The following LRRC7 variants were observed in gnomAD, a reference collection of about 807,000 sequenced individuals.
The protein encoded by LRRC7 is leucine rich repeat containing 7.
LRRC7 carries 23 observed loss-of-function variants against 175.7 expected under a neutral mutation model. That is an observed-to-expected ratio of 0.13 (90% confidence interval 0.09 to 0.19). LRRC7 has a LOEUF of 0.19. Ranked by LOEUF, LRRC7 falls within the 10% of genes least tolerant of loss-of-function variation. The pLI is 1.00. For synonymous variants in LRRC7, 685 were observed against 680.9 expected (o/e 1.01, Z -0.09); for missense variants, 1,354 against 1,904.7 (o/e 0.71, Z 5.38).
At chr1:69,959,171 A>AT (rs1650796897) in intron 8 of LRRC7, among the ~76,000 whole-genome samples, 1 of 152,084 alleles carries the variant, frequency 6.6e-6, no homozygotes, top group Non-Finnish European at 1.5e-5. Flanking sequence ...CCAAACTGTG[A>AT]TTTTCTCCAA....
At chr1:70,052,694 G>C (rs933355689) in intron 22 of LRRC7, among the ~76,000 whole-genome samples, 4 of 151,968 alleles carry the variant, frequency 2.6e-5, no homozygotes, top group Admixed American at 6.6e-5. Context: ...AATTAAGCAA[G>C]TTTTAAGTGC....
chr1:69,925,778 G>C (rs1270670752), intron 7 of LRRC7, among the ~76,000 whole-genome samples: 3 of 150,292 alleles, frequency 2.0e-5, no homozygotes, highest in African/African-American at 7.4e-5. Context: ...TTTTTGAAGG[G>C]TTTTTTTGTG....
At position 70,133,320 on chromosome 1, in the gene LRRC7, A is replaced by ACCTCC. The variant is rs1666750049; in HGVS notation, c.*11433_*11434insCCTCC. On this transcript the variant is annotated 3_prime_UTR_variant, in exon 27 of 27. Coordinates refer to ENST00000651989, the MANE Select transcript of LRRC7 (RefSeq NM_001370785.2). ...ACTGCAACCTCCACCTCCTGGGTTC[A>ACCTCC]AACGATTTTCCTGCCTCAGCCTCCC... 6.6e-6 allele frequency among the ~76,000 whole-genome samples: 1 copy of ACCTCC among 152,040 alleles called. No homozygotes were observed. The highest frequency in any genetic ancestry group is 1.5e-5 in the Non-Finnish European group (1 of 68,006).
chr1:69,948,541 A>G (rs1344598834), intron 8 of LRRC7, among the ~76,000 whole-genome samples: 10 of 152,130 alleles, frequency 6.6e-5, no homozygotes, highest in Admixed American at 2.0e-4. Context: ...TGAGTGAGCA[A>G]GCAGATTTAC....
chr1:69,762,861 T>A (rs544419913), intron 3 of LRRC7, among the ~76,000 whole-genome samples: 1 of 152,150 alleles, frequency 6.6e-6, no homozygotes, highest in African/African-American at 2.4e-5. Context: ...GAGAATTTAT[T>A]ATCCTTTATC....
intron 1 of LRRC7, among the ~76,000 whole-genome samples, chr1:69,585,995 C>T (rs1307543923): frequency 1.3e-5 from 2 of 152,072 alleles, no homozygotes; most frequent in Non-Finnish European, 2.9e-5. Context: ...AATGAAGAGA[C>T]TATAAATTTC....
intron 3 of LRRC7, among the ~76,000 whole-genome samples, chr1:69,763,620 C>T (rs1401139057): frequency 6.6e-6 from 1 of 151,868 alleles, no homozygotes; most frequent in African/African-American, 2.4e-5. Context: ...ATGGCTGTTG[C>T]AGAGATAACC....
At chr1:70,106,443 T>C (rs1665149759) in intron 25 of LRRC7, among the ~76,000 whole-genome samples, 2 of 152,192 alleles carry the variant, frequency 1.3e-5, no homozygotes, top group African/African-American at 2.4e-5. Context: ...TTCATAACGT[T>C]TTCTTCTATG....
At chr1:69,710,082 C>G (rs1260614472) in intron 2 of LRRC7, among the ~76,000 whole-genome samples, 2 of 151,544 alleles carry the variant, frequency 1.3e-5, no homozygotes, top group African/African-American at 2.4e-5. Context: ...TCAAGCCCAC[C>G]CTGGCTAACA....
chr1:69,696,181 C>T (rs1021045909), intron 2 of LRRC7, among the ~76,000 whole-genome samples: 2 of 152,190 alleles, frequency 1.3e-5, no homozygotes, highest in African/African-American at 2.4e-5. Flanking sequence ...TAGAGTTGCC[C>T]AACGAGTTGC....
chr1:69,577,888 TTAAAG>T (rs1464765899), intron 1 of LRRC7, among the ~76,000 whole-genome samples: 1 of 152,140 alleles, frequency 6.6e-6, no homozygotes, highest in African/African-American at 2.4e-5. Context: ...CATATGAACT[TTAAAG>T]TAGTTTTTTC....
intron 2 of LRRC7, among the ~76,000 whole-genome samples, chr1:69,739,757 G>A (rs949034634): frequency 1.1e-4 from 17 of 152,146 alleles, no homozygotes; most frequent in African/African-American, 3.9e-4. Flanking sequence ...CTGAAGATAC[G>A]AAGTCGTATT....
chr1:69,718,168 G>GAA (rs1665929689), intron 2 of LRRC7, among the ~76,000 whole-genome samples: 1 of 150,058 alleles, frequency 6.7e-6, no homozygotes, highest in Admixed American at 6.7e-5. Context: ...AAGAAAGAAA[G>GAA]AAAGAAGAAA....
chr1:69,590,925 A>T (rs1646604862), intron 1 of LRRC7, among the ~76,000 whole-genome samples: 1 of 152,160 alleles, frequency 6.6e-6, no homozygotes, highest in South Asian at 2.1e-4. Context: ...AAAGTTTAAA[A>T]AATATAAAAC....
intron 1 of LRRC7, among the ~76,000 whole-genome samples, chr1:69,585,868 A>C (rs1268946281): frequency 6.6e-6 from 1 of 152,216 alleles, no homozygotes; most frequent in East Asian, 1.9e-4. Flanking sequence ...TAAGACTTTT[A>C]ATTAGCAAAC....
Position 70,039,383 on chromosome 1 carries a change from A to G in LRRC7, c.3559A>G (p.Arg1187Gly), listed in dbSNP as rs781350493. Residue 1187 changes from arginine (R) to glycine (G), a missense_variant, in exon 21 of 27, where the codon AGG becomes GGG. Physicochemically the swap from Arg to Gly is moderately radical, Grantham distance 125. Around this residue, in one of 4 missense-constraint regions of LRRC7, gnomAD observed 1,032 missense variants for 1,227.2 expected, o/e 0.84. Coordinates refer to ENST00000651989, the MANE Select transcript of LRRC7 (RefSeq NM_001370785.2). ...TGATAGGTACGGCAGACCCCCATAT[A>G]GGGGAGGGCTGGATCGCCAAAGCAG... The part of the protein sequence containing the change: ...PTDRYGRPPY[R>G]GGLDRQSSVT... 1 of 1,614,080 alleles carries G rather than the reference A, an allele frequency of 6.2e-7. No homozygotes were observed.
intron 4 of LRRC7, among the ~76,000 whole-genome samples, chr1:69,804,436 T>G (rs1676882479): frequency 6.6e-6 from 1 of 151,398 alleles, no homozygotes; most frequent in African/African-American, 2.4e-5. Flanking sequence ...TAAAAACACC[T>G]AATGAGCTGG....
chr1:69,944,320 C>T (rs1570753498), intron 8 of LRRC7, among the ~76,000 whole-genome samples: 1 of 152,042 alleles, frequency 6.6e-6, no homozygotes, highest in Admixed American at 6.6e-5. Context: ...TTTCTTGAGG[C>T]CAAATCATAT....
rs946736618 is a variant in LRRC7, at chr1:70,141,140, T to C, written c.*19253T>C. Among the ~76,000 whole-genome samples the C allele has an allele frequency of 5.3e-5, 8 of 152,108 alleles. No individual in the cohort carries two copies. Among genetic ancestry groups the C allele is most frequent in the African/African-American group, 1.9e-4 (8 of 41,504 alleles). ...ATAAAGAGGAAGAGATAACAAAAGA[T>C]GTAGATAAGAGGACATTGTTAACTG... On this transcript the variant is annotated 3_prime_UTR_variant, in exon 27 of 27. Coordinates refer to ENST00000651989, the MANE Select transcript of LRRC7 (RefSeq NM_001370785.2).
Sources: gnomAD v4.1 joint callset for allele counts (sites outside exome capture counted in the v4.1 genomes callset) on GRCh38, gnomAD v4.1.1 for gene constraint, gnomAD v4.1.1 regional missense constraint, MANE v1.5 for transcripts, NCBI Gene and HGNC (gene_info 2026-07-23, HGNC 2026-07-21) for gene names.